The following SP110 variants were observed in gnomAD, a reference collection of about 807,000 sequenced individuals.
SP110 encodes the protein interferon-induced protein 41, 30kD.
A neutral mutation model predicts 92.7 loss-of-function variants in SP110; 62 were observed. The ratio of observed to expected loss-of-function variants is 0.67; its 90% confidence interval spans 0.55 to 0.83. The LOEUF is 0.83. Ranked by LOEUF, SP110 falls within the 40% of genes least tolerant of loss-of-function variation. SP110 has a pLI of 0.00. For missense variants in SP110, 793 were observed against 863.9 expected, an observed-to-expected ratio of 0.92 and a Z score of 1.03; for synonymous variants, 273 against 305.3, an observed-to-expected ratio of 0.89 and a Z score of 1.10.
chr2:230,171,372 G>T, intron 17 of SP110: 1 of 382,216 alleles, frequency 2.6e-6, no homozygotes, highest in Non-Finnish European at 5.0e-6. Flanking sequence ...GATTACAGGC[G>T]TGAGCCGCTG....
At position 230,172,909 on chromosome 2, in the gene SP110, GAGA is replaced by G. The variant is rs754021147; in HGVS notation, c.1638_1640del (p.Leu547del). On this transcript the variant is annotated inframe_deletion, in exon 15 of 19. Coordinates refer to ENST00000258381, the MANE Select transcript of SP110 (RefSeq NM_080424.4). ...AGACTCGTGGACAAGTACCGCAGCA[GAGA>G]AGTTGTCCCCCTTGACAGCACACCT... The G allele has an allele frequency of 3.1e-6, 5 of 1,614,214 alleles. No individual in the cohort carries two copies. In the South Asian group the frequency reaches 5.5e-5, roughly 18 times the overall value.
At position 230,169,127 on chromosome 2, in the gene SP110, A is replaced by G. The variant is rs2078362105; in HGVS notation, c.2139T>C (p.Pro713=). Residue 713 remains proline (P), a synonymous_variant, in exon 19 of 19, where the codon CCT becomes CCC. Coordinates refer to ENST00000258381, the MANE Select transcript of SP110 (RefSeq NM_080424.4). The part of the protein sequence containing the change: ...EANDGGFWTL[P] The stretch of plus-strand genomic sequence containing the variant: ...CTTCAGTCTTTACAGAACAGGGTCA[A>G]GGAAGAGTCCAGAAACCGCCGTCAT... 1 of 1,602,898 alleles carries G rather than the reference A, an allele frequency of 6.2e-7. No homozygotes were observed. The highest frequency in any genetic ancestry group is 8.5e-7 in the Non-Finnish European group (1 of 1,170,008).
chr2:230,179,967 C>G (rs1025140747), intron 12 of SP110, among the ~76,000 whole-genome samples: 1 of 152,140 alleles, frequency 6.6e-6, no homozygotes, highest in Non-Finnish European at 1.5e-5. Flanking sequence ...GCAGCCTGTT[C>G]CTAATAGTGC....
intron 10 of SP110, among the ~76,000 whole-genome samples, chr2:230,194,157 C>T (rs1416863623): frequency 6.6e-6 from 1 of 152,046 alleles, no homozygotes; most frequent in Non-Finnish European, 1.5e-5. Context: ...AGAGGGCTTT[C>T]CAAAGCAGTG....
rs768753285 is a variant in SP110, at chr2:230,212,937, G to C, written c.407C>G (p.Pro136Arg). The C allele has an allele frequency of 6.2e-7, 1 of 1,614,040 alleles. No homozygotes were observed. Among genetic ancestry groups the C allele is most frequent in the South Asian group, 1.1e-5 (1 of 91,080 alleles). ...GLAEGSSLHT[P>R]LALPPPQPPQ... ...GGGTTGTGGTGGGGGCAGCGCCAGT[G>C]GGGTATGGAGGGAGCTTCCTTCTGC... Residue 136 changes from proline (P) to arginine (R), a missense_variant, in exon 4 of 19, where the codon CCA (proline) becomes CGA (arginine). Coordinates refer to ENST00000258381, the MANE Select transcript of SP110 (RefSeq NM_080424.4).
Position 230,211,133 on chromosome 2 carries a change from C to G in SP110, c.751+337G>C, listed in dbSNP as rs552300890. On this transcript the variant is annotated intron_variant, in intron 6 of 18. Transcript: ENST00000258381. The surrounding 1 kb of genome is among the most constrained non-coding windows in gnomAD (Gnocchi z 4.2). ...TTCCCCTGGGGTTCCTGCCACAACC[C>G]TTTGTGGCAGGTGAATGTTTCCCTT... Among the ~76,000 whole-genome samples the G allele has an allele frequency of 1.3e-4, 20 of 152,328 alleles. No homozygotes were observed. Among genetic ancestry groups the G allele is most frequent in the African/African-American group, 4.8e-4 (20 of 41,578 alleles).
intron 8 of SP110, among the ~76,000 whole-genome samples, chr2:230,204,600 CTTTCATTTTTT>C (rs2043551275): frequency 1.3e-5 from 2 of 151,828 alleles, no homozygotes; most frequent in African/African-American, 4.8e-5. Context: ...AGTATGGTTT[CTTTCATTTTTT>C]TTTCATTAAA....
chr2:230,200,972 AATGAAAGAT>A lies in SP110; in HGVS notation c.1049-16_1049-8del. On this transcript the variant is annotated splice_polypyrimidine_tract_variant and splice_region_variant and intron_variant, in intron 9 of 18. Transcript: ENST00000258381. ...GAAGTGCCATCAATGATCTCTGGAA[AATGAAAGAT>A]CTTAGTAAATGCCCCTTGGGAAACA... 1 of 1,609,718 alleles carries A rather than the reference AATGAAAGAT, an allele frequency of 6.2e-7. No homozygotes were observed. Among genetic ancestry groups the A allele is most frequent in the East Asian group, 2.2e-5 (1 of 44,860 alleles).
intron 10 of SP110, among the ~76,000 whole-genome samples, chr2:230,190,593 G>T (rs4973293): frequency 0.76 from 115,873 of 151,756 alleles, 44,353 homozygotes; most frequent in Admixed American, 0.83. Context: ...GGCTTTTGTT[G>T]TAATAGCTTT....
At chr2:230,212,262 C>A in intron 5 of SP110, 85 bp downstream of exon 5, 1 of 1,004,084 alleles carries the variant, frequency 1.0e-6, no homozygotes, top group Non-Finnish European at 1.6e-6. Flanking sequence ...CCCAGGGTTC[C>A]CACCATAGCC....
intron 14 of SP110, chr2:230,177,297 A>G: frequency 1.8e-6 from 1 of 544,750 alleles, no homozygotes; most frequent in Non-Finnish European, 3.3e-6. Context: ...TCTTCACCTC[A>G]AAGCCCTTTG....
chr2:230,170,176 T>C (rs1007532091), intron 18 of SP110, among the ~76,000 whole-genome samples: 7 of 152,212 alleles, frequency 4.6e-5, no homozygotes, highest in African/African-American at 1.4e-4. Flanking sequence ...TTCCAGATGT[T>C]TGAGTCCAAT....
In SP110 at chr2:230,178,250, G is replaced by A; in HGVS notation, c.1354C>T (p.Pro452Ser). The A allele has an allele frequency of 6.2e-7, 1 of 1,606,884 alleles. No homozygotes were observed. Among genetic ancestry groups the A allele is most frequent in the South Asian group, 1.1e-5 (1 of 90,744 alleles). Reference sequence around the variant, plus strand: ...TGAAAATCCACAGTGTCACTTTTGGGTTTTCCTTAAAGTAGAAGAGAACAG... The same window carrying A: ...TGAAAATCCACAGTGTCACTTTTGGATTTTCCTTAAAGTAGAAGAGAACAG... ...FQKNIHRRGK[P>S]KSDTVDFHCS... Residue 452 changes from proline (P) to serine (S), a missense_variant, in exon 13 of 19, where the codon CCC becomes TCC. By Grantham distance (74) the Pro-to-Ser change is moderately conservative. Transcript: ENST00000258381.
rs199750914 is a variant in SP110 at position 230,186,267 on chromosome 2, C to CT, written c.1130-125_1130-124insA. ...CTCTTTTCTTGTGTGTATCTTTCTTCCCCCCAGACTCATAATACTTCCTTC... is the reference window on the plus strand; with the variant it reads ...CTCTTTTCTTGTGTGTATCTTTCTTCTCCCCCAGACTCATAATACTTCCTTC... On this transcript the variant is annotated intron_variant, in intron 10 of 18. Transcript: ENST00000258381. 7.1e-3 allele frequency: 6,435 copies of CT among 904,988 alleles called. 286 individuals are homozygous for CT. The African/African-American group carries it at 0.096, about 13-fold the overall frequency. The allele number at this position is 904,988 out of a possible 1,614,324, so 56.1% of individuals were successfully genotyped here. A position where few individuals can be genotyped will look rare whatever the true frequency, so the allele number is the denominator to read the frequency against.
chr2:230,210,004 T>C lies in SP110; in HGVS notation c.756A>G (p.Ile252Met), dbSNP rs1211068569. The C allele has an allele frequency of 1.9e-6, 3 of 1,589,120 alleles. No homozygotes were observed. Among genetic ancestry groups the C allele is most frequent in the East Asian group, 2.2e-5 (1 of 44,770 alleles). The change falls in exon 7 of 19, where the codon ATA becomes ATG. Residue 252 changes from isoleucine to methionine, a missense_variant. By Grantham distance (10) the Ile-to-Met change is conservative. Coordinates refer to ENST00000258381, the MANE Select transcript of SP110 (RefSeq NM_080424.4). ...CATTTGGTTCTGGAGAATTATCTCT[T>C]ATCTCTGACAAAAGAAATATAAGTC... is the stretch of plus-strand genomic sequence containing the variant. ...PHSPLGSMPEIRDNSPEPNDP... is the reference protein window; with the variant it reads ...PHSPLGSMPEMRDNSPEPNDP...
At chr2:230,196,974 G>C (rs1472680414) in intron 10 of SP110, among the ~76,000 whole-genome samples, 50 of 152,206 alleles carry the variant, frequency 3.3e-4, no homozygotes, top group Admixed American at 3.2e-3. Context: ...CCAAGTCTTT[G>C]CTATTGTGAA....
At chr2:230,199,456 A>G (rs1346618442) in intron 10 of SP110, among the ~76,000 whole-genome samples, 1 of 151,812 alleles carries the variant, frequency 6.6e-6, no homozygotes, top group Non-Finnish European at 1.5e-5. Context: ...TGATTCACCT[A>G]CCTCAGCTTC....
In SP110 at chr2:230,189,003, A is replaced by C. The variant is rs186935338; in HGVS notation, c.1130-2860T>G. ...CTAGTTTTTGTGCATAGAGGTGTTC[A>C]TAGTAGTCCTGAATGATCTTTTGTA... On this transcript the variant is annotated intron_variant, in intron 10 of 18. Transcript: ENST00000258381. Among the ~76,000 whole-genome samples, 48 of 152,264 alleles carry C rather than the reference A, an allele frequency of 3.2e-4. 1 individual carries two copies. The East Asian group carries it at 8.3e-3, about 26-fold the overall frequency.
intron 8 of SP110, among the ~76,000 whole-genome samples, chr2:230,207,374 C>T (rs1393417983): frequency 6.6e-6 from 1 of 152,064 alleles, no homozygotes; most frequent in Non-Finnish European, 1.5e-5. Context: ...AATTATTTTC[C>T]CTGACCAGAT....
Sources: allele counts gnomAD v4.1 joint callset (sites outside exome capture counted in the v4.1 genomes callset), GRCh38; gene constraint gnomAD v4.1.1; non-coding constraint Gnocchi (gnomAD v3.1); transcripts MANE v1.5; gene names NCBI Gene and HGNC (gene_info 2026-07-23, HGNC 2026-07-21).